Variants in RHEB observed in about 807,000 individuals in gnomAD.
The protein encoded by RHEB is GTP-binding protein Rheb.
RHEB carries 2 observed loss-of-function variants against 28.8 expected under a neutral mutation model. That is an observed-to-expected ratio of 0.07 (90% CI 0.03 to 0.22). The LOEUF is 0.22. Among genes scored for constraint, RHEB ranks in the 10% least tolerant of loss-of-function variants. RHEB has a pLI of 1.00. For synonymous variants in RHEB, 69 were observed against 77.3 expected, an observed-to-expected ratio of 0.89 and a Z score of 0.56; for missense variants, 76 against 219.9, an observed-to-expected ratio of 0.35 and a Z score of 4.14.
chr7:151,490,610 C>T (rs1478364761), intron 2 of RHEB, among the ~76,000 whole-genome samples: 1 of 152,138 alleles, frequency 6.6e-6, no homozygotes, highest in Non-Finnish European at 1.5e-5. Context: ...CTTGGAATCC[C>T]TGGAAACTGC....
intron 1 of RHEB, among the ~76,000 whole-genome samples, chr7:151,497,013 T>C (rs1049314076): frequency 6.6e-6 from 1 of 150,462 alleles, no homozygotes; most frequent in Non-Finnish European, 1.5e-5. Flanking sequence ...ATGGTCTCGA[T>C]CCCTGGTCTT....
At chr7:151,517,878 A>T (rs1274751812) in intron 1 of RHEB, 1 of 152,292 alleles carries the variant, frequency 6.6e-6, no homozygotes, top group South Asian at 2.1e-4. Context: ...AATAGTTGCC[A>T]ATAAGTACTT....
At chr7:151,483,498 C>A (rs1265549297) in intron 3 of RHEB, among the ~76,000 whole-genome samples, 2 of 152,174 alleles carry the variant, frequency 1.3e-5, no homozygotes, top group Non-Finnish European at 2.9e-5. Context: ...GCAGGTGAAT[C>A]ACCTGAGGTC....
chr7:151,505,215 ACTT>A (rs756416126), intron 1 of RHEB, among the ~76,000 whole-genome samples: 4 of 152,224 alleles, frequency 2.6e-5, no homozygotes, highest in African/African-American at 4.8e-5. Flanking sequence ...AAACTTACAA[ACTT>A]CTTCTGTTCT....
At position 151,516,637 on chromosome 7, in the gene RHEB, A is replaced by T. The variant is rs1049742480; in HGVS notation, c.52+2823T>A. Among the ~76,000 whole-genome samples, 6 of 151,728 alleles carry T rather than the reference A, an allele frequency of 4.0e-5. No homozygotes were observed. The South Asian group carries it at 6.2e-4, about 16-fold the overall frequency. On this transcript the variant is annotated intron_variant, in intron 1 of 7. Transcript: ENST00000262187. ...GACTCTGTCACAAAAAAAAAAAAAA[A>T]AAAAAAAGAAAGCCAACTAGTTAAA...
chr7:151,506,025 G>A (rs1247050507), intron 1 of RHEB, among the ~76,000 whole-genome samples: 4 of 151,988 alleles, frequency 2.6e-5, no homozygotes, highest in Admixed American at 1.3e-4. Context: ...TGGGGATGAC[G>A]GAATGTTTCA....
chr7:151,499,501 C>T (rs946640025), intron 1 of RHEB, among the ~76,000 whole-genome samples: 3 of 152,184 alleles, frequency 2.0e-5, no homozygotes, highest in Non-Finnish European at 4.4e-5. Flanking sequence ...CTCTGGGCCT[C>T]AAAATCTCTC....
intron 1 of RHEB, among the ~76,000 whole-genome samples, chr7:151,495,325 C>A (rs867312574): frequency 6.6e-6 from 1 of 152,184 alleles, no homozygotes. Context: ...ACATAAATTA[C>A]TATAAATGGT....
intron 7 of RHEB, 53 bp from the exon 8 acceptor site, chr7:151,467,264 G>A: frequency 7.5e-7 from 1 of 1,330,708 alleles, no homozygotes. Context: ...CGAACTCCGA[G>A]AGTATTTTAC....
rs1030041749 is a variant in RHEB, at chr7:151,474,341, C to A, written c.276-2736G>T. On this transcript the variant is annotated intron_variant, in intron 4 of 7. Transcript: ENST00000262187. ...GATTACAGGCACCCGCCACCACACC[C>A]GGGTAATTTTTGTATTTTTAGTAGA... Among the ~76,000 whole-genome samples the A allele has an allele frequency of 2.6e-5, 4 of 152,034 alleles. No homozygotes were observed. In the East Asian group the frequency reaches 7.7e-4, roughly 29 times the overall value.
intron 2 of RHEB, among the ~76,000 whole-genome samples, chr7:151,489,501 A>C (rs1446432037): frequency 6.6e-6 from 1 of 152,258 alleles, no homozygotes. Flanking sequence ...ATCAACCAAC[A>C]GGTTTCCTTC....
At chr7:151,475,085 A>C (rs948938819) in intron 4 of RHEB, among the ~76,000 whole-genome samples, 1 of 152,230 alleles carries the variant, frequency 6.6e-6, no homozygotes, top group South Asian at 2.1e-4. Flanking sequence ...GAGAAGACAC[A>C]GTACCAAGCT....
intron 3 of RHEB, among the ~76,000 whole-genome samples, chr7:151,479,023 T>C (rs1018262160): frequency 6.6e-6 from 1 of 152,138 alleles, no homozygotes; most frequent in Non-Finnish European, 1.5e-5. Flanking sequence ...TAAAGTCTAC[T>C]TTCTGAGAAA....
At chr7:151,497,939 G>A (rs1027348770) in intron 1 of RHEB, 15 of 363,104 alleles carry the variant, frequency 4.1e-5, no homozygotes, top group African/African-American at 1.9e-4. Flanking sequence ...AAAATCCAAC[G>A]GGGCATATTG....
intron 3 of RHEB, among the ~76,000 whole-genome samples, chr7:151,479,682 C>A (rs142961198): frequency 9.1e-3 from 1,030 of 112,658 alleles, no homozygotes; most frequent in East Asian, 0.013. Flanking sequence ...GACTCCGTCT[C>A]AAAAAAAAAA....
chr7:151,470,657 A>G lies in RHEB; in HGVS notation c.381-5T>C. The G allele has an allele frequency of 6.3e-7, 1 of 1,595,680 alleles. No homozygotes were observed. The highest frequency in any genetic ancestry group is 8.6e-7 in the Non-Finnish European group (1 of 1,168,250). On this transcript the variant is annotated splice_polypyrimidine_tract_variant and splice_region_variant and intron_variant, in intron 6 of 7. Transcript: ENST00000262187. The stretch of plus-strand genomic sequence containing the variant: ...CCTTCTTCATAACTGATCACCCTAA[A>G]GAAAAAATAAAATTCTAGTTAAAGT...
chr7:151,498,332 G>A (rs1802709632), intron 1 of RHEB, among the ~76,000 whole-genome samples: 1 of 152,162 alleles, frequency 6.6e-6, no homozygotes, highest in East Asian at 1.9e-4. Flanking sequence ...GAGTACCACT[G>A]AATTGAAAGG....
chr7:151,481,095 C>T (rs1345673444), intron 3 of RHEB, among the ~76,000 whole-genome samples: 3 of 151,674 alleles, frequency 2.0e-5, no homozygotes, highest in African/African-American at 7.3e-5. Context: ...AATAATGTAA[C>T]ACCAGGCATA....
At chr7:151,478,858 C>T (rs1021410934) in intron 3 of RHEB, among the ~76,000 whole-genome samples, 1 of 152,116 alleles carries the variant, frequency 6.6e-6, no homozygotes, top group African/African-American at 2.4e-5. Flanking sequence ...TGGTCTCGAA[C>T]CCCTGACCTC....
Sources: gnomAD v4.1 joint callset for allele counts (sites outside exome capture counted in the v4.1 genomes callset) on GRCh38, gnomAD v4.1.1 for gene constraint, MANE v1.5 for transcripts, NCBI Gene and HGNC (gene_info 2026-07-23, HGNC 2026-07-21) for gene names.